Variants in OR3A3 observed in about 807,000 individuals in gnomAD.
OR3A3 encodes olfactory receptor family 3 subfamily A member 3.
For synonymous variants in OR3A3, 103 were observed against 163.9 expected, an observed-to-expected ratio of 0.63 and a Z score of 2.84; for missense variants, 275 against 391.4, an observed-to-expected ratio of 0.70 and a Z score of 2.51.
chr17:3,419,470 T>C (rs1040834206), intron 2 of OR3A3, among the ~76,000 whole-genome samples: 1 of 152,236 alleles, frequency 6.6e-6, no homozygotes, highest in African/African-American at 2.4e-5. Context: ...CTGTGTCTAG[T>C]TTATTTCACT....
At chr17:3,417,891 G>A (rs780077844) in intron 2 of OR3A3, among the ~76,000 whole-genome samples, 1 of 152,066 alleles carries the variant, frequency 6.6e-6, no homozygotes, top group Non-Finnish European at 1.5e-5. Context: ...CTGTCTCCTG[G>A]TACATGTTGT....
At chr17:3,420,046 C>T (rs1049356826) in intron 2 of OR3A3, among the ~76,000 whole-genome samples, 9 of 152,292 alleles carry the variant, frequency 5.9e-5, no homozygotes, top group Non-Finnish European at 1.3e-4. Context: ...GGATTACAGG[C>T]ATGAGCCACT....
intron 2 of OR3A3, among the ~76,000 whole-genome samples, chr17:3,413,848 A>AAC (rs926446298): frequency 6.6e-6 from 1 of 151,342 alleles, no homozygotes; most frequent in African/African-American, 2.4e-5. Context: ...CAAAAAACAA[A>AAC]AAAAAAAAAC....
chr17:3,415,430 G>A (rs545120234), intron 2 of OR3A3, among the ~76,000 whole-genome samples: 3 of 151,428 alleles, frequency 2.0e-5, no homozygotes, highest in South Asian at 2.1e-4. Context: ...ACGTGGTGGC[G>A]GGTGCCTGTA....
chr17:3,411,897 G>A (rs2072364317), intron 1 of OR3A3, 81 bp from the exon 2 acceptor site: 1 of 151,938 alleles, frequency 6.6e-6, no homozygotes, highest in East Asian at 2.0e-4. Context: ...ACCAGAAGGT[G>A]TGAGGCATCG....
intron 2 of OR3A3, among the ~76,000 whole-genome samples, chr17:3,413,548 C>T (rs556289104): frequency 3.9e-5 from 6 of 152,170 alleles, no homozygotes; most frequent in Non-Finnish European, 8.8e-5. Flanking sequence ...GATGCGGTGG[C>T]TCACGCCTGT....
intron 2 of OR3A3, among the ~76,000 whole-genome samples, chr17:3,420,186 A>C (rs1326606347): frequency 1.3e-5 from 2 of 152,202 alleles, no homozygotes; most frequent in Non-Finnish European, 2.9e-5. Flanking sequence ...GTAGACAGTA[A>C]AATGATTAGT....
intron 2 of OR3A3, among the ~76,000 whole-genome samples, chr17:3,418,723 C>T (rs143239033): frequency 3.7e-4 from 56 of 152,164 alleles, no homozygotes; most frequent in African/African-American, 1.3e-3. Context: ...AATCATCATG[C>T]TTCCCTTTCT....
chr17:3,421,519 C>A, exon 3 of OR3A3: 1 of 1,526,642 alleles, frequency 6.6e-7, no homozygotes, highest in African/African-American at 1.4e-5. Context: ...TGTGGGGAAG[C>A]GATCACTGAC....
exon 3 of OR3A3, chr17:3,424,024 C>G (rs1358706023): frequency 6.6e-6 from 1 of 150,894 alleles, no homozygotes; most frequent in East Asian, 1.9e-4. Flanking sequence ...ATGCCTACTT[C>G]ACATCTGTAG....
chr17:3,413,279 G>A (rs146285271), intron 2 of OR3A3, among the ~76,000 whole-genome samples: 1 of 152,248 alleles, frequency 6.6e-6, no homozygotes, highest in African/African-American at 2.4e-5. Context: ...CTTTTGAGAT[G>A]GGAAAGTTTC....
intron 2 of OR3A3, among the ~76,000 whole-genome samples, chr17:3,419,674 GTAATC>G (rs1355793640): frequency 6.7e-6 from 1 of 150,178 alleles, no homozygotes; most frequent in Non-Finnish European, 1.5e-5. Context: ...TTATTAAAAT[GTAATC>G]TGCTTATTAG....
chr17:3,420,002 C>T (rs528519693), intron 2 of OR3A3, among the ~76,000 whole-genome samples: 1 of 152,048 alleles, frequency 6.6e-6, no homozygotes, highest in Non-Finnish European at 1.5e-5. Flanking sequence ...CTCCTGACCT[C>T]GTGATCCGCC....
At chr17:3,415,392 C>T (rs1933341551) in intron 2 of OR3A3, among the ~76,000 whole-genome samples, 1 of 151,566 alleles carries the variant, frequency 6.6e-6, no homozygotes, top group Non-Finnish European at 1.5e-5. Context: ...GAAACCCTAT[C>T]TCTACTAAAA....
At chr17:3,423,959 A>G (rs1255476249) in exon 3 of OR3A3, 1 of 151,896 alleles carries the variant, frequency 6.6e-6, no homozygotes, top group Non-Finnish European at 1.5e-5. Flanking sequence ...AAAAGAAAAA[A>G]AAAAAAAAAA....
At chr17:3,419,921 A>G (rs1299914644) in intron 2 of OR3A3, among the ~76,000 whole-genome samples, 2 of 151,556 alleles carry the variant, frequency 1.3e-5, no homozygotes, top group South Asian at 4.2e-4. Flanking sequence ...GCCTGCCACC[A>G]AGCCCGGCTG....
chr17:3,417,337 AT>A (rs578058357), intron 2 of OR3A3, among the ~76,000 whole-genome samples: 67 of 152,260 alleles, frequency 4.4e-4, no homozygotes, highest in African/African-American at 1.5e-3. Flanking sequence ...TTGACTTACA[AT>A]TGTAAGACAA....
In OR3A3 at chr17:3,417,443, T is replaced by C. The variant is rs561029782; in HGVS notation, c.-6-3137T>C. 4.3e-4 allele frequency among the ~76,000 whole-genome samples: 65 copies of C among 152,308 alleles called. No individual in the cohort carries two copies. The South Asian group carries it at 0.013, about 30-fold the overall frequency. ...TACAGTGTCATTGTTCAAACATTTA[T>C]ATTTTATTCTGAAACCACAATCCCC... is the stretch of plus-strand genomic sequence containing the variant. On this transcript the variant is annotated intron_variant, in intron 2 of 2. Transcript: ENST00000641141.
exon 3 of OR3A3, chr17:3,421,460 T>C (rs1403005192): frequency 3.2e-6 from 5 of 1,585,412 alleles, no homozygotes; most frequent in East Asian, 2.2e-5. Flanking sequence ...AACCCACTTA[T>C]CTACAGCCTC....
Sources: allele counts gnomAD v4.1 joint callset (sites outside exome capture counted in the v4.1 genomes callset), GRCh38; gene constraint gnomAD v4.1.1; transcripts MANE v1.5; gene names NCBI Gene and HGNC (gene_info 2026-07-23, HGNC 2026-07-21).